Variants in CA5B observed in about 807,000 individuals in gnomAD.
CA5B encodes the protein carbonic anhydrase 5B, mitochondrial.
CA5B carries 15 observed loss-of-function variants against 23.1 expected under a neutral mutation model. That is an observed-to-expected ratio of 0.65 (90% CI 0.43 to 1.00). CA5B has a LOEUF of 1.00. Among genes scored for constraint, CA5B ranks in the 50% least tolerant of loss-of-function variants. The pLI is 0.00. For missense variants in CA5B, 236 were observed against 252.2 expected, an observed-to-expected ratio of 0.94 and a Z score of 0.43; for synonymous variants, 84 against 98.5, an observed-to-expected ratio of 0.85 and a Z score of 0.87.
chrX:15,779,322 C>T (rs958079534), intron 7 of CA5B, among the ~76,000 whole-genome samples: 1 of 111,681 alleles, frequency 9.0e-6, no homozygotes, highest in African/African-American at 3.3e-5. Context: ...TATTGGATGA[C>T]TCCCATCTAC....
intron 1 of CA5B, among the ~76,000 whole-genome samples, chrX:15,742,630 C>T (rs1337658312): frequency 1.8e-5 from 2 of 112,920 alleles, no homozygotes; most frequent in African/African-American, 3.2e-5. Flanking sequence ...CCTCCCGCCT[C>T]GGCCTCCCGA....
chrX:15,750,162 G>T lies in CA5B; in HGVS notation c.139G>T (p.Ala47Ser). The T allele has an allele frequency of 8.3e-7, 1 of 1,200,402 alleles. No homozygotes were observed. Among genetic ancestry groups the T allele is most frequent in the Non-Finnish European group, 1.1e-6 (1 of 885,936 alleles). ...TTGTACTTACAAAACCCGGAACCGAGCCTGTGAGTACACCACTTCCTTAAA... is the reference window on the plus strand; with the variant it reads ...TTGTACTTACAAAACCCGGAACCGATCCTGTGAGTACACCACTTCCTTAAA... ...YTCTYKTRNRALHPLWESVDL... is the reference protein window; with the variant it reads ...YTCTYKTRNRSLHPLWESVDL... Residue 47 changes from alanine (A) to serine (S), a missense_variant, in exon 2 of 8, where the codon GCC becomes TCC. By Grantham distance (99) the Ala-to-Ser change is moderately conservative. Around this residue, in one of 3 missense-constraint regions of CA5B, gnomAD observed 54 missense variants for 46.6 expected, o/e 1.16. Coordinates refer to ENST00000318636, the MANE Select transcript of CA5B (RefSeq NM_007220.4).
At chrX:15,752,453 C>T (rs765153128) in intron 2 of CA5B, among the ~76,000 whole-genome samples, 12 of 112,211 alleles carry the variant, frequency 1.1e-4, no homozygotes, top group Non-Finnish European at 1.3e-4. Context: ...GGGCCAGGCG[C>T]GATGGCTTAC....
Position 15,772,486 on chromosome X carries a change from G to A in CA5B, c.341-10G>A. 2.7e-6 allele frequency: 3 copies of A among 1,131,862 alleles called. No homozygotes were observed. The highest frequency in any genetic ancestry group is 2.2e-5 in the Admixed American group (1 of 45,211). The allele number at this position is 1,131,862 out of a possible 1,213,427, so 93.3% of individuals were successfully genotyped here. On this transcript the variant is annotated splice_polypyrimidine_tract_variant and intron_variant, in intron 3 of 7. Transcript: ENST00000318636. ...AACTCTTCCCTGAATTGTTGGATGTGCCATTTTAGTGATCAAGGGAGGACC... is the reference window on the plus strand; with the variant it reads ...AACTCTTCCCTGAATTGTTGGATGTACCATTTTAGTGATCAAGGGAGGACC...
In CA5B at chrX:15,757,282, G is replaced by A. The variant is rs188234117; in HGVS notation, c.142+7117G>A. On this transcript the variant is annotated intron_variant, in intron 2 of 7. Transcript: ENST00000318636. ...TCCCAGCACTTTGGGAGGCCAAGGC[G>A]GGCAGATCACAAGGTCAAGAGATCG... Among the ~76,000 whole-genome samples, 506 of 111,244 alleles carry A rather than the reference G, an allele frequency of 4.5e-3. 6 individuals are homozygous for A. Among genetic ancestry groups the A allele is most frequent in the African/African-American group, 0.016 (496 of 30,599 alleles).
chrX:15,762,423 C>G (rs1931622350), intron 2 of CA5B, among the ~76,000 whole-genome samples: 1 of 110,225 alleles, frequency 9.1e-6, no homozygotes, highest in South Asian at 3.9e-4. Flanking sequence ...AGTAACAAAA[C>G]AACTACCTTA....
intron 3 of CA5B, among the ~76,000 whole-genome samples, chrX:15,766,257 C>G (rs751361920): frequency 1.8e-5 from 2 of 110,012 alleles, no homozygotes; most frequent in South Asian, 7.8e-4. Flanking sequence ...CCTAGTGATG[C>G]TCTGATACTT....
intron 6 of CA5B, 79 bp from the exon 7 acceptor site, chrX:15,776,635 A>G: frequency 1.3e-6 from 1 of 798,685 alleles, no homozygotes; most frequent in South Asian, 2.3e-5. Flanking sequence ...ATACTCCCTG[A>G]GAACCGTCAC....
intron 2 of CA5B, among the ~76,000 whole-genome samples, chrX:15,754,822 GAAAGAT>G (rs1383195942): frequency 5.3e-5 from 6 of 112,361 alleles, no homozygotes; most frequent in African/African-American, 1.9e-4. Context: ...ACTTGTAGAA[GAAAGAT>G]AAACATGTTA....
rs750242349 is a variant in CA5B, at chrX:15,738,307, C to T, written c.-99C>T. 1 of 110,774 alleles carries T rather than the reference C, an allele frequency of 9.0e-6. No individual in the cohort carries two copies. The highest frequency in any genetic ancestry group is 2.9e-4 in the East Asian group (1 of 3,473). 9.1% of individuals were successfully genotyped at this position (110,774 alleles called of 1,213,427 possible). Reference sequence around the variant, plus strand: ...GCCGGACGTGCAGGCTGCGGATCCCCGTAGGCGAGCGAGCGGCTAGGTTCG... The same window carrying T: ...GCCGGACGTGCAGGCTGCGGATCCCTGTAGGCGAGCGAGCGGCTAGGTTCG... On this transcript the variant is annotated 5_prime_UTR_variant, in exon 1 of 8. Coordinates refer to ENST00000318636, the MANE Select transcript of CA5B (RefSeq NM_007220.4).
intron 3 of CA5B, among the ~76,000 whole-genome samples, chrX:15,770,163 AT>A (rs922462358): frequency 2.7e-5 from 3 of 109,299 alleles, no homozygotes; most frequent in African/African-American, 1.0e-4. Context: ...AAATACAAAA[AT>A]TATTTGGGCA....
chrX:15,752,061 T>C (rs1421043074), intron 2 of CA5B, among the ~76,000 whole-genome samples: 2 of 111,754 alleles, frequency 1.8e-5, no homozygotes. Flanking sequence ...TGATACAGCC[T>C]CAAGAGGTCC....
intron 1 of CA5B, among the ~76,000 whole-genome samples, chrX:15,746,022 CTTTTTTTTTTTT>C (rs11304971): frequency 1.5e-4 from 8 of 53,411 alleles, no homozygotes; most frequent in Admixed American, 5.3e-4. Flanking sequence ...GCGTCAACTT[CTTTTTTTTTTTT>C]TTTTTTTTTT....
At chrX:15,772,423 G>A in intron 3 of CA5B, 73 bp from the exon 4 acceptor site, 1 of 614,184 alleles carries the variant, frequency 1.6e-6, no homozygotes, top group Non-Finnish European at 2.7e-6. Context: ...GTCCATTGGA[G>A]ATTTGGCCTT....
chrX:15,747,945 C>T (rs1361306032), intron 1 of CA5B, among the ~76,000 whole-genome samples: 1 of 111,361 alleles, frequency 9.0e-6, no homozygotes, highest in East Asian at 2.8e-4. Context: ...GCAGCTCTCT[C>T]TCTTGCAAGA....
At chrX:15,772,786 T>C (rs1931846906) in intron 4 of CA5B, among the ~76,000 whole-genome samples, 172 bp downstream of exon 4, 1 of 112,329 alleles carries the variant, frequency 8.9e-6, no homozygotes, top group East Asian at 2.8e-4. Flanking sequence ...ACTTCTCTCA[T>C]CTCAAATAAT....
intron 1 of CA5B, among the ~76,000 whole-genome samples, chrX:15,747,400 T>C (rs1931256453): frequency 9.1e-6 from 1 of 110,336 alleles, no homozygotes. Flanking sequence ...TGCTGCTGAT[T>C]GTTTGAGGAG....
intron 1 of CA5B, among the ~76,000 whole-genome samples, chrX:15,741,760 G>C (rs1355489934): frequency 9.0e-6 from 1 of 111,675 alleles, no homozygotes; most frequent in African/African-American, 3.3e-5. Flanking sequence ...ACAGATGTGA[G>C]CCACTGTGCC....
At chrX:15,781,024 G>A (rs1212937336) in intron 7 of CA5B, among the ~76,000 whole-genome samples, 2 of 108,712 alleles carry the variant, frequency 1.8e-5, no homozygotes, top group African/African-American at 3.4e-5. Flanking sequence ...CGTTGCCCAG[G>A]TGAGAGTCCA....
Sources: allele counts gnomAD v4.1 joint callset (sites outside exome capture counted in the v4.1 genomes callset), GRCh38; gene constraint gnomAD v4.1.1; regional missense constraint gnomAD v4.1.1; transcripts MANE v1.5; gene names NCBI Gene and HGNC (gene_info 2026-07-23, HGNC 2026-07-21).